GALNT13: variants seen among roughly 807,000 people sequenced by gnomAD.
GALNT13 encodes UDP-GalNAc:polypeptide N-acetylgalactosaminyltransferase 13.
In GALNT13, 28 loss-of-function variants were observed where a neutral mutation model predicts 64.2. The observed-to-expected ratio is 0.44, with a 90% CI of 0.32 to 0.60. The LOEUF (loss-of-function observed/expected upper bound fraction) is 0.60. Among genes scored for constraint, GALNT13 ranks in the 20% least tolerant of loss-of-function variants. The pLI, the probability that GALNT13 is intolerant of heterozygous loss-of-function variation, is 0.05. For missense variants in GALNT13, 577 were observed against 669.8 expected, an observed-to-expected ratio of 0.86 and a Z score of 1.53; for synonymous variants, 214 against 224.6, an observed-to-expected ratio of 0.95 and a Z score of 0.42.
the GALNT13 span, among the ~76,000 whole-genome samples, chr2:153,484,890 C>T: frequency 6.6e-6 from 1 of 152,086 alleles, no homozygotes; most frequent in Non-Finnish European, 1.5e-5. Context: ...TTAGAGTTCC[C>T]CAAACTTGCT....
chr2:153,482,284 G>C, the GALNT13 span, among the ~76,000 whole-genome samples: 2 of 152,034 alleles, frequency 1.3e-5, no homozygotes, highest in Non-Finnish European at 1.5e-5. Context: ...ACCACAAAGA[G>C]TAACAACAGA....
chr2:153,660,271 G>A, the GALNT13 span, among the ~76,000 whole-genome samples: 2 of 152,092 alleles, frequency 1.3e-5, no homozygotes, highest in Admixed American at 6.6e-5. Flanking sequence ...CTGTCAAGGA[G>A]CCAGGCAGAC....
chr2:153,470,841 T>C, the GALNT13 span, among the ~76,000 whole-genome samples: 1 of 152,100 alleles, frequency 6.6e-6, no homozygotes, highest in African/African-American at 2.4e-5. Flanking sequence ...GGGGAGGAAA[T>C]TTTACTCTTG....
chr2:153,941,261 T>A (rs754749519), intron 2 of GALNT13, among the ~76,000 whole-genome samples: 14 of 152,136 alleles, frequency 9.2e-5, no homozygotes, highest in Non-Finnish European at 1.8e-4. Context: ...CTCCCAGAGT[T>A]CTGGGATTAC....
chr2:153,811,245 T>C, the GALNT13 span, among the ~76,000 whole-genome samples: 10 of 152,310 alleles, frequency 6.6e-5, no homozygotes, highest in African/African-American at 2.2e-4. Context: ...CTCTCTACTT[T>C]ACCATATTGT....
chr2:153,227,714 A>G, the GALNT13 span, among the ~76,000 whole-genome samples: 13 of 152,334 alleles, frequency 8.5e-5, no homozygotes, highest in East Asian at 2.3e-3. Flanking sequence ...CTAGGAATTC[A>G]GTAGGATTTA....
the GALNT13 span, among the ~76,000 whole-genome samples, chr2:153,517,551 A>G: frequency 7.2e-5 from 11 of 152,288 alleles, no homozygotes; most frequent in African/African-American, 2.4e-4. Flanking sequence ...CACTGGAACA[A>G]TTCGAGTCAG....
rs1692262427 is a variant in GALNT13 at position 153,952,487 on chromosome 2, C to A, written c.142+7848C>A. Among the ~76,000 whole-genome samples the A allele has an allele frequency of 4.7e-5, 7 of 150,490 alleles. No individual in the cohort carries two copies. The South Asian group carries it at 1.5e-3, about 31-fold the overall frequency. ...TATTATCTAGCCTTTGGTTAGTCTA[C>A]AGATAATATTTGGTTTGAGATGAGA... is the stretch of plus-strand genomic sequence containing the variant. On this transcript the variant is annotated intron_variant, in intron 3 of 12. Coordinates refer to ENST00000392825, the MANE Select transcript of GALNT13 (RefSeq NM_052917.4).
chr2:153,980,159 C>T (rs2105155060), intron 3 of GALNT13, among the ~76,000 whole-genome samples: 1 of 152,244 alleles, frequency 6.6e-6, no homozygotes, highest in Admixed American at 6.5e-5. Context: ...GCTAATACTG[C>T]TGGAGCATAG....
At chr2:153,725,517 A>G in the GALNT13 span, among the ~76,000 whole-genome samples, 28 of 151,788 alleles carry the variant, frequency 1.8e-4, no homozygotes, top group Non-Finnish European at 3.7e-4. Context: ...TATGACTAAG[A>G]TGCAGTAGTT....
At chr2:154,017,359 T>C (rs531933964) in intron 3 of GALNT13, among the ~76,000 whole-genome samples, 1 of 152,320 alleles carries the variant, frequency 6.6e-6, no homozygotes, top group South Asian at 2.1e-4. Flanking sequence ...AGTACTAGCT[T>C]TGGAGCCATA....
At chr2:153,878,122 G>C (rs539185065) in intron 1 of GALNT13, among the ~76,000 whole-genome samples, 1 of 152,158 alleles carries the variant, frequency 6.6e-6, no homozygotes, top group East Asian at 1.9e-4. Flanking sequence ...CTTTTGTATA[G>C]TAAGAATGAT....
the GALNT13 span, among the ~76,000 whole-genome samples, chr2:153,494,423 T>C: frequency 3.9e-5 from 6 of 151,924 alleles, no homozygotes; most frequent in Non-Finnish European, 7.4e-5. Context: ...TAAAGGTCAA[T>C]ATAATAGAAT....
the GALNT13 span, among the ~76,000 whole-genome samples, chr2:153,333,910 TG>T: frequency 6.6e-6 from 1 of 152,232 alleles, no homozygotes. Context: ...GTATTTTTAT[TG>T]CTTTCCTGAA....
At chr2:153,609,712 G>A in the GALNT13 span, among the ~76,000 whole-genome samples, 35 of 152,256 alleles carry the variant, frequency 2.3e-4, no homozygotes, top group East Asian at 1.9e-3. Flanking sequence ...TAACAATGAA[G>A]CAAACCTTAT....
intron 9 of GALNT13, among the ~76,000 whole-genome samples, chr2:154,316,057 C>T (rs1309322942): frequency 6.6e-6 from 1 of 151,952 alleles, no homozygotes; most frequent in African/African-American, 2.4e-5. Context: ...CACTGCACTC[C>T]AGCCTGGGTG....
the GALNT13 span, among the ~76,000 whole-genome samples, chr2:153,641,597 G>A: frequency 4.6e-5 from 7 of 152,166 alleles, no homozygotes; most frequent in African/African-American, 7.2e-5. Context: ...ACTTGTAAGC[G>A]GGATCCACTA....
At chr2:153,712,924 CG>C in the GALNT13 span, among the ~76,000 whole-genome samples, 1 of 152,078 alleles carries the variant, frequency 6.6e-6, no homozygotes, top group African/African-American at 2.4e-5. Context: ...CCTGCCCCAC[CG>C]GGGAATATTA....
At chr2:153,851,598 G>C in the GALNT13 span, among the ~76,000 whole-genome samples, 1 of 151,968 alleles carries the variant, frequency 6.6e-6, no homozygotes, top group Non-Finnish European at 1.5e-5. Context: ...GCAGCTACTT[G>C]GGAGGCTGAG....
Sources: allele counts gnomAD v4.1 joint callset (sites outside exome capture counted in the v4.1 genomes callset), GRCh38; gene constraint gnomAD v4.1.1; transcripts MANE v1.5; gene names NCBI Gene and HGNC (gene_info 2026-07-23, HGNC 2026-07-21).